PCDHA9: variants seen among roughly 807,000 people sequenced by gnomAD.
PCDHA9 encodes the protein protocadherin alpha 9.
A neutral mutation model predicts 62.0 loss-of-function variants in PCDHA9; 62 were observed. That is an observed-to-expected ratio of 1.00 (90% CI 0.81 to 1.23). The LOEUF is 1.23. Among genes scored for constraint, PCDHA9 ranks in the 50% most tolerant of loss-of-function variants. The probability of loss-of-function intolerance (pLI) is 0.00; values close to 1 mark genes in which losing one functional copy is unlikely to be tolerated. For synonymous variants in PCDHA9, 557 were observed against 567.6 expected (o/e 0.98, Z 0.27); for missense variants, 1,205 against 1,249.8 (o/e 0.96, Z 0.54).
At position 140,848,707 on chromosome 5, in the gene PCDHA9, G is replaced by GC; in HGVS notation, c.213dup (p.Gly72ArgfsTer56). The GC allele has an allele frequency of 6.3e-7, 1 of 1,592,428 alleles. No individual in the cohort carries two copies. The highest frequency in any genetic ancestry group is 8.6e-7 in the Non-Finnish European group (1 of 1,163,330). ...CTGTTCCAGTTGGATTCCAAAGGCC[G>GC]CGGGGACCTTCTGGAGGTAAATCTG... On this transcript the variant is annotated frameshift_variant, in exon 1 of 4. Transcript: ENST00000532602. LOFTEE classifies it high-confidence loss of function.
At chr5:140,877,987 CT>C (rs2057428803) in intron 1 of PCDHA9, 14 of 1,151,184 alleles carry the variant, frequency 1.2e-5, no homozygotes, top group Non-Finnish European at 1.6e-5. Context: ...TCATTTTGAA[CT>C]TTTATGTATT....
chr5:140,877,789 A>C, intron 1 of PCDHA9: 1 of 1,614,072 alleles, frequency 6.2e-7, no homozygotes, highest in Non-Finnish European at 8.5e-7. Flanking sequence ...CATGGCCTTC[A>C]GCCCAAGCCT....
intron 1 of PCDHA9, among the ~76,000 whole-genome samples, chr5:140,933,690 T>A (rs1382967033): frequency 1.3e-5 from 2 of 152,048 alleles, no homozygotes; most frequent in Non-Finnish European, 2.9e-5. Flanking sequence ...TTTTTCCTAT[T>A]CCTCGGACAC....
intron 1 of PCDHA9, among the ~76,000 whole-genome samples, chr5:140,965,923 G>T (rs1418904178): frequency 1.3e-5 from 2 of 152,232 alleles, no homozygotes; most frequent in African/African-American, 4.8e-5. Context: ...TTTTAGGCTT[G>T]CTCCCGGAAA....
At chr5:140,873,725 A>G (rs1235492447) in intron 1 of PCDHA9, among the ~76,000 whole-genome samples, 7 of 152,112 alleles carry the variant, frequency 4.6e-5, no homozygotes, top group Non-Finnish European at 7.4e-5. Context: ...CAGTGGCGCA[A>G]TCTCAGCTCA....
At chr5:140,879,555 C>A (rs1278975106) in intron 1 of PCDHA9, among the ~76,000 whole-genome samples, 1 of 152,048 alleles carries the variant, frequency 6.6e-6, no homozygotes, top group African/African-American at 2.4e-5. Flanking sequence ...AAAAATAATC[C>A]ATGAAAGAAT....
At chr5:140,854,858 T>C (rs2043245736) in intron 1 of PCDHA9, among the ~76,000 whole-genome samples, 1 of 149,904 alleles carries the variant, frequency 6.7e-6, no homozygotes. Flanking sequence ...AATTACTAGA[T>C]ATATTTCAGA....
At chr5:140,987,668 G>C (rs1262402590) in intron 3 of PCDHA9, among the ~76,000 whole-genome samples, 1 of 152,082 alleles carries the variant, frequency 6.6e-6, no homozygotes, top group Non-Finnish European at 1.5e-5. Context: ...GAACAATCAG[G>C]GTTTAGTAAA....
At chr5:140,991,753 T>C (rs1262588559) in intron 3 of PCDHA9, among the ~76,000 whole-genome samples, 3 of 152,208 alleles carry the variant, frequency 2.0e-5, no homozygotes, top group Non-Finnish European at 2.9e-5. Flanking sequence ...CTTTCTATCA[T>C]GCTCTTCAAA....
intron 3 of PCDHA9, among the ~76,000 whole-genome samples, chr5:140,996,055 C>A (rs1289526573): frequency 6.6e-6 from 1 of 152,164 alleles, no homozygotes; most frequent in Non-Finnish European, 1.5e-5. Flanking sequence ...GTGCTTGGCA[C>A]ACAGTAAAGA....
intron 1 of PCDHA9, among the ~76,000 whole-genome samples, chr5:140,965,863 A>T (rs1275095146): frequency 6.6e-6 from 1 of 152,218 alleles, no homozygotes; most frequent in Non-Finnish European, 1.5e-5. Flanking sequence ...ACTGAAAATA[A>T]GGGCCACTTG....
intron 1 of PCDHA9, chr5:140,883,089 A>G (rs1403331305): frequency 1.1e-5 from 17 of 1,614,038 alleles, no homozygotes; most frequent in Non-Finnish European, 1.4e-5. Context: ...GATGGTACAA[A>G]TGGAGATATA....
chr5:140,965,672 A>G (rs1586083629), intron 1 of PCDHA9, among the ~76,000 whole-genome samples: 1 of 152,360 alleles, frequency 6.6e-6, no homozygotes, highest in South Asian at 2.1e-4. Context: ...TGATAAATGT[A>G]AAAGATTTGA....
chr5:140,891,148 A>C (rs913917156), intron 1 of PCDHA9, among the ~76,000 whole-genome samples: 2 of 151,726 alleles, frequency 1.3e-5, no homozygotes, highest in Non-Finnish European at 2.9e-5. Flanking sequence ...TATTCTGTTT[A>C]TTTTCCTTTG....
At chr5:140,999,486 A>G (rs1282748321) in intron 3 of PCDHA9, among the ~76,000 whole-genome samples, 1 of 152,144 alleles carries the variant, frequency 6.6e-6, no homozygotes, top group Non-Finnish European at 1.5e-5. Context: ...ACTCAAGTCT[A>G]TGTTACCCAA....
Position 141,009,983 on chromosome 5 carries a change from G to A in PCDHA9, c.*46G>A, listed in dbSNP as rs1554262629. The A allele has an allele frequency of 1.9e-6, 3 of 1,581,862 alleles. No homozygotes were observed. Among genetic ancestry groups the A allele is most frequent in the Non-Finnish European group, 2.6e-6 (3 of 1,167,526 alleles). On this transcript the variant is annotated 3_prime_UTR_variant, in exon 4 of 4. Coordinates refer to ENST00000532602, the MANE Select transcript of PCDHA9 (RefSeq NM_031857.2). ...CCACTTAGCCAGTTTTTGTAATAAT[G>A]GCAAATCTCTCCCATGTAGCAATTC...
intron 1 of PCDHA9, among the ~76,000 whole-genome samples, chr5:140,925,385 C>G (rs559735505): frequency 6.4e-4 from 97 of 152,144 alleles, no homozygotes; most frequent in Non-Finnish European, 1.2e-3. Context: ...AATGAGTCTC[C>G]TTTTGGCTCG....
intron 1 of PCDHA9, chr5:140,862,442 C>A: frequency 2.8e-6 from 1 of 361,562 alleles, no homozygotes. Flanking sequence ...CGTTGGTACT[C>A]CACAGCGCCC....
intron 1 of PCDHA9, chr5:140,877,685 C>G (rs377753884): frequency 5.0e-6 from 8 of 1,613,628 alleles, no homozygotes; most frequent in African/African-American, 2.7e-5. Flanking sequence ...GGCAAGCCCA[C>G]GCTGGTGTGC....
Sources: allele counts gnomAD v4.1 joint callset (sites outside exome capture counted in the v4.1 genomes callset), GRCh38; gene constraint gnomAD v4.1.1; transcripts MANE v1.5; gene names NCBI Gene and HGNC (gene_info 2026-07-23, HGNC 2026-07-21).